The following SMOC2 variants were observed in gnomAD, a reference collection of about 807,000 sequenced individuals.
The protein encoded by SMOC2 is SPARC-related modular calcium-binding protein 2.
A neutral mutation model predicts 61.4 loss-of-function variants in SMOC2; 39 were observed. The observed-to-expected ratio is 0.64, with a 90% CI of 0.49 to 0.83. The LOEUF is 0.83. Ranked by LOEUF, SMOC2 falls within the 40% of genes least tolerant of loss-of-function variation. The pLI, the probability that SMOC2 is intolerant of heterozygous loss-of-function variation, is 0.00. For missense variants in SMOC2, 556 were observed against 592.9 expected, an observed-to-expected ratio of 0.94 and a Z score of 0.65; for synonymous variants, 247 against 239.9, an observed-to-expected ratio of 1.03 and a Z score of -0.27.
Position 168,454,369 on chromosome 6 carries a change from T to C in SMOC2, c.84+12915T>C, listed in dbSNP as rs556076160. On this transcript the variant is annotated intron_variant, in intron 1 of 12. Transcript: ENST00000356284. ...CGAAATCTAACTGGGCTTTTTTTTT[T>C]GGTCACACATTTTCTTCACCCTTTC... Among the ~76,000 whole-genome samples the C allele has an allele frequency of 3.3e-5, 5 of 152,324 alleles. No individual in the cohort carries two copies. In the South Asian group the frequency reaches 1.0e-3, roughly 32 times the overall value.
chr6:168,517,060 G>C (rs1016232512), intron 2 of SMOC2, among the ~76,000 whole-genome samples: 1 of 152,246 alleles, frequency 6.6e-6, no homozygotes, highest in Non-Finnish European at 1.5e-5. Flanking sequence ...AGTGATGGTT[G>C]TAACAGGAAT....
chr6:168,537,068 C>T (rs1341349753), intron 4 of SMOC2, among the ~76,000 whole-genome samples: 1 of 152,252 alleles, frequency 6.6e-6, no homozygotes, highest in Non-Finnish European at 1.5e-5. Context: ...CCGGCCAGTG[C>T]CGGGATTCTG....
At chr6:168,618,004 TA>T (rs1488409137) in intron 9 of SMOC2, among the ~76,000 whole-genome samples, 1 of 152,212 alleles carries the variant, frequency 6.6e-6, no homozygotes, top group Non-Finnish European at 1.5e-5. Flanking sequence ...CTGCCAGGGA[TA>T]AAATAATCTG....
In SMOC2 at chr6:168,605,232, T is replaced by C. The variant is rs114792760; in HGVS notation, c.825-2925T>C. On this transcript the variant is annotated intron_variant, in intron 8 of 12. Coordinates refer to ENST00000356284, the MANE Select transcript of SMOC2 (RefSeq NM_001166412.2). ...CTCACATCTGGGCAGCCTCTGTTCC[T>C]GGACCCCAGAGCATGTCTCTCAATG... Among the ~76,000 whole-genome samples, 1,317 of 152,220 alleles carry C rather than the reference T, an allele frequency of 8.7e-3. 21 individuals are homozygous for C. The highest frequency in any genetic ancestry group is 0.028 in the African/African-American group (1,147 of 41,552).
chr6:168,532,825 T>C (rs1474825084), intron 4 of SMOC2, among the ~76,000 whole-genome samples: 3 of 152,158 alleles, frequency 2.0e-5, no homozygotes, highest in Non-Finnish European at 4.4e-5. Context: ...TATCCCTGCC[T>C]TCTAAAGTAG....
chr6:168,455,122 T>G (rs1781554353), intron 1 of SMOC2, among the ~76,000 whole-genome samples: 1 of 151,878 alleles, frequency 6.6e-6, no homozygotes, highest in Non-Finnish European at 1.5e-5. Context: ...ATGAAGGGCC[T>G]TGGGAGGAAC....
rs924362812 is a variant in SMOC2, at chr6:168,483,576, T to A, written c.85-26339T>A. Among the ~76,000 whole-genome samples the A allele has an allele frequency of 3.9e-5, 6 of 152,216 alleles. No individual in the cohort carries two copies. In the East Asian group the frequency reaches 9.6e-4, roughly 24 times the overall value. On this transcript the variant is annotated intron_variant, in intron 1 of 12. Transcript: ENST00000356284. ...AATCCCTATCAAAATTCCAAAAACA[T>A]TTTTTTGTATAAATAGCAAAATTCA...
Position 168,650,754 on chromosome 6 carries a change from C to T in SMOC2, c.981C>T (p.Ala327=), listed in dbSNP as rs746885609. Residue 327 remains alanine (A), a synonymous_variant, in exon 10 of 13, where the codon GCC becomes GCT. Coordinates refer to ENST00000356284, the MANE Select transcript of SMOC2 (RefSeq NM_001166412.2). ...LDALSTDMVH[A]ASDPSSSSGR... is the part of the protein sequence containing the mutation. The stretch of plus-strand genomic sequence containing the variant: ...CGCTGTCCACGGACATGGTCCACGC[C>T]GCCTCCGACCCCTCCTCCTCGTCAG... 5.3e-5 allele frequency: 85 copies of T among 1,612,588 alleles called. No individual in the cohort carries two copies. Among genetic ancestry groups the T allele is most frequent in the Middle Eastern group, 1.6e-4 (1 of 6,082 alleles).
chr6:168,655,347 C>T lies in SMOC2; in HGVS notation c.1285+2119C>T, dbSNP rs1468221432. The T allele has an allele frequency of 8.8e-6, 4 of 454,738 alleles. No homozygotes were observed. The Admixed American group carries it at 9.5e-5, about 11-fold the overall frequency. 28.2% of individuals were successfully genotyped at this position (454,738 alleles called of 1,614,324 possible). A position where few individuals can be genotyped will look rare whatever the true frequency, so the allele number is the denominator to read the frequency against. Reference sequence around the variant, plus strand: ...ATTCCAATGGTTATAGCAGTTTTAACAATTGAAAATACTTTTTTTTGTGGG... The same window carrying T: ...ATTCCAATGGTTATAGCAGTTTTAATAATTGAAAATACTTTTTTTTGTGGG... On this transcript the variant is annotated intron_variant, in intron 11 of 12. Transcript: ENST00000356284.
At chr6:168,528,056 A>G (rs1025596666) in intron 4 of SMOC2, among the ~76,000 whole-genome samples, 1 of 152,246 alleles carries the variant, frequency 6.6e-6, no homozygotes, top group African/African-American at 2.4e-5. Context: ...ACTTGGAGTC[A>G]CCAGTGGAAA....
chr6:168,565,352 T>G (rs1784517430), intron 7 of SMOC2, among the ~76,000 whole-genome samples: 3 of 152,152 alleles, frequency 2.0e-5, no homozygotes, highest in Admixed American at 2.0e-4. Flanking sequence ...GTGAGGGCTC[T>G]CTCTCTGACT....
At chr6:168,659,492 TATA>T (rs1249260903) in intron 11 of SMOC2, among the ~76,000 whole-genome samples, 13 of 151,846 alleles carry the variant, frequency 8.6e-5, no homozygotes, top group African/African-American at 2.2e-4. Flanking sequence ...GGGTGGAAGT[TATA>T]GTATTGGTGA....
chr6:168,603,697 C>A, intron 8 of SMOC2, among the ~76,000 whole-genome samples: 1 of 134,818 alleles, frequency 7.4e-6, no homozygotes, highest in Non-Finnish European at 1.6e-5. Flanking sequence ...GGTATAATGT[C>A]AAATGCTCTG....
intron 4 of SMOC2, among the ~76,000 whole-genome samples, chr6:168,539,280 G>T (rs1252472549): frequency 6.6e-6 from 1 of 152,072 alleles, no homozygotes; most frequent in Non-Finnish European, 1.5e-5. Flanking sequence ...CTCTTGTCTA[G>T]CCAGAGAGGC....
intron 11 of SMOC2, 145 bp from the exon 12 acceptor site, chr6:168,663,929 G>C: frequency 1.6e-6 from 1 of 642,146 alleles, no homozygotes. Flanking sequence ...AGGAATGACT[G>C]TATGTGGTTT....
intron 4 of SMOC2, among the ~76,000 whole-genome samples, chr6:168,534,394 G>A (rs954759629): frequency 1.3e-5 from 2 of 152,106 alleles, no homozygotes; most frequent in Non-Finnish European, 2.9e-5. Context: ...CTGACAAGCC[G>A]CTTCAGGCCG....
At chr6:168,500,559 G>A (rs932382759) in intron 1 of SMOC2, among the ~76,000 whole-genome samples, 1 of 151,974 alleles carries the variant, frequency 6.6e-6, no homozygotes, top group Non-Finnish European at 1.5e-5. Flanking sequence ...ACCTTCTCTC[G>A]GCCCTGCTAC....
chr6:168,480,658 T>C (rs1262388957), intron 1 of SMOC2, among the ~76,000 whole-genome samples: 12 of 152,094 alleles, frequency 7.9e-5, no homozygotes, highest in Non-Finnish European at 1.5e-4. Context: ...ATACATGTTA[T>C]GGGAGTCCCA....
rs1004016172 is a variant in SMOC2, at chr6:168,453,154, C to G, written c.84+11700C>G. Among the ~76,000 whole-genome samples the G allele has an allele frequency of 2.0e-5, 3 of 149,840 alleles. No homozygotes were observed. Among genetic ancestry groups the G allele is most frequent in the African/African-American group, 7.4e-5 (3 of 40,752 alleles). ...AGTGTGGCTTGAATCTGCTGTCCGA[C>G]GCAGGCAGGTGCAGGCTGTTCTAGA... On this transcript the variant is annotated intron_variant, in intron 1 of 12. Transcript: ENST00000356284. This position sits in a 1 kb window ranked among gnomAD's most constrained non-coding sequence, Gnocchi z 4.4.
Sources: allele counts gnomAD v4.1 joint callset (sites outside exome capture counted in the v4.1 genomes callset), GRCh38; gene constraint gnomAD v4.1.1; non-coding constraint Gnocchi (gnomAD v3.1); transcripts MANE v1.5; gene names NCBI Gene and HGNC (gene_info 2026-07-23, HGNC 2026-07-21).